The following ZNF804B variants were observed in gnomAD, a reference collection of about 807,000 sequenced individuals.
ZNF804B encodes the protein zinc finger 804B.
ZNF804B carries 80 observed loss-of-function variants against 101.4 expected under a neutral mutation model. That is an observed-to-expected ratio of 0.79 (90% CI 0.66 to 0.95). The LOEUF (loss-of-function observed/expected upper bound fraction) is 0.95, where lower values mean the gene tolerates loss of function less well. Ranked by LOEUF, ZNF804B falls within the 40% of genes least tolerant of loss-of-function variation. The probability of loss-of-function intolerance (pLI) is 0.00; values close to 1 mark genes in which losing one functional copy is unlikely to be tolerated. For missense variants in ZNF804B, 1,673 were observed against 1,561.9 expected (o/e 1.07, Z -1.20); for synonymous variants, 622 against 558.8 (o/e 1.11, Z -1.59).
chr7:89,186,720 A>T (rs943147602), intron 1 of ZNF804B, among the ~76,000 whole-genome samples: 13 of 152,112 alleles, frequency 8.5e-5, no homozygotes, highest in African/African-American at 3.1e-4. Flanking sequence ...TTTGAAATAA[A>T]TGACTTTCAC....
intron 1 of ZNF804B, among the ~76,000 whole-genome samples, chr7:88,770,500 T>C (rs1169138962): frequency 6.6e-6 from 1 of 152,212 alleles, no homozygotes; most frequent in Non-Finnish European, 1.5e-5. Context: ...TGTTGATTTG[T>C]GCCCAGTGGA....
intron 1 of ZNF804B, among the ~76,000 whole-genome samples, chr7:88,964,838 A>C (rs890717143): frequency 6.6e-6 from 1 of 151,404 alleles, no homozygotes; most frequent in Non-Finnish European, 1.5e-5. Context: ...ATTTGAAGAG[A>C]GCAGAGCTCC....
chr7:88,870,114 C>A (rs1056655969), intron 1 of ZNF804B, among the ~76,000 whole-genome samples: 31 of 151,978 alleles, frequency 2.0e-4, no homozygotes, highest in African/African-American at 7.3e-4. Context: ...GGGCCGGGCG[C>A]GGTGGCTCAC....
chr7:88,994,469 T>C (rs1429904766), intron 1 of ZNF804B, among the ~76,000 whole-genome samples: 1 of 152,014 alleles, frequency 6.6e-6, no homozygotes, highest in Non-Finnish European at 1.5e-5. Context: ...AGAAAACAAA[T>C]GCCAAAAACT....
At position 89,337,093 on chromosome 7, in the gene ZNF804B, C is replaced by A; in HGVS notation, c.*61C>A. 1 of 1,455,364 alleles carries A rather than the reference C, an allele frequency of 6.9e-7. No homozygotes were observed. The highest frequency in any genetic ancestry group is 9.2e-7 in the Non-Finnish European group (1 of 1,081,890). 90.2% of individuals were successfully genotyped at this position (1,455,364 alleles called of 1,614,324 possible). A position where few individuals can be genotyped will look rare whatever the true frequency, so the allele number is the denominator to read the frequency against. ...AATTGTCACTACCTATAAAATCATACATTTAAAGAAGTCTGTCAATTATAA... is the reference window on the plus strand; with the variant it reads ...AATTGTCACTACCTATAAAATCATAAATTTAAAGAAGTCTGTCAATTATAA... On this transcript the variant is annotated 3_prime_UTR_variant, in exon 4 of 4. Coordinates refer to ENST00000333190, the MANE Select transcript of ZNF804B (RefSeq NM_181646.5).
chr7:89,120,028 CAGA>C (rs1790375990), intron 1 of ZNF804B, among the ~76,000 whole-genome samples: 1 of 151,810 alleles, frequency 6.6e-6, no homozygotes, highest in East Asian at 1.9e-4. Context: ...ATGCTCTTCA[CAGA>C]AGAAGCACAG....
intron 1 of ZNF804B, among the ~76,000 whole-genome samples, chr7:88,980,787 C>T (rs1793683279): frequency 6.6e-6 from 1 of 152,018 alleles, no homozygotes; most frequent in Non-Finnish European, 1.5e-5. Flanking sequence ...CACTGGGTTT[C>T]ACCTAAAGCC....
intron 1 of ZNF804B, among the ~76,000 whole-genome samples, chr7:88,803,699 T>C (rs1259430538): frequency 6.6e-6 from 1 of 152,144 alleles, no homozygotes; most frequent in African/African-American, 2.4e-5. Flanking sequence ...ATAGTTTGTG[T>C]AGATTATCTT....
At chr7:89,083,820 C>T (rs1789734047) in intron 1 of ZNF804B, among the ~76,000 whole-genome samples, 1 of 151,740 alleles carries the variant, frequency 6.6e-6, no homozygotes, top group Admixed American at 6.6e-5. Flanking sequence ...CTTTGTGTTG[C>T]ATCCTAAAGG....
At chr7:88,913,833 G>T (rs1584013357) in intron 1 of ZNF804B, among the ~76,000 whole-genome samples, 1 of 152,212 alleles carries the variant, frequency 6.6e-6, no homozygotes, top group Non-Finnish European at 1.5e-5. Flanking sequence ...AATAGCAAAA[G>T]ATAACCTGTT....
intron 2 of ZNF804B, among the ~76,000 whole-genome samples, chr7:89,227,731 G>C (rs1044693468): frequency 6.6e-6 from 1 of 152,048 alleles, no homozygotes; most frequent in Admixed American, 6.6e-5. Flanking sequence ...TCCACACAGA[G>C]GGAATGCCAA....
In ZNF804B at chr7:88,986,174, G is replaced by A. The variant is rs139278249; in HGVS notation, c.108+226090G>A. ...ATGACTAATTATCTAAATTTCTTCT[G>A]CTTTTCTCTAGTTCTATCCCAATAA... On this transcript the variant is annotated intron_variant, in intron 1 of 3. Transcript: ENST00000333190. 1.9e-3 allele frequency among the ~76,000 whole-genome samples: 287 copies of A among 152,136 alleles called. 2 individuals carry two copies. Among genetic ancestry groups the A allele is most frequent in the African/African-American group, 6.4e-3 (267 of 41,538 alleles).
chr7:88,970,892 A>G (rs1793527687), intron 1 of ZNF804B, among the ~76,000 whole-genome samples: 1 of 151,312 alleles, frequency 6.6e-6, no homozygotes, highest in Non-Finnish European at 1.5e-5. Context: ...TGGGTGCAGC[A>G]CACCAACATG....
At chr7:89,220,047 A>ACATATATATGTGTG (rs1788971107) in intron 2 of ZNF804B, among the ~76,000 whole-genome samples, 4 of 38,768 alleles carry the variant, frequency 1.0e-4, no homozygotes, top group African/African-American at 4.7e-4. Context: ...ATATATGTGC[A>ACATATATATGTGTG]TATATACATA....
intron 1 of ZNF804B, among the ~76,000 whole-genome samples, chr7:89,162,221 T>G (rs1425748273): frequency 6.6e-6 from 1 of 152,134 alleles, no homozygotes; most frequent in Non-Finnish European, 1.5e-5. Flanking sequence ...CTAGCCCACT[T>G]TCTTTTACTT....
In ZNF804B at chr7:89,334,070, C is replaced by A. The variant is rs1256051194; in HGVS notation, c.1088C>A (p.Ala363Glu). ...LENCVNHPCQ[A>E]NASFSPPNIY... The stretch of plus-strand genomic sequence containing the variant: ...AATTGTGTTAATCACCCATGCCAAG[C>A]AAATGCTTCCTTCAGCCCACCAAAC... The change falls in exon 4 of 4, where the codon GCA (alanine) becomes GAA (glutamate). Residue 363 changes from alanine (A) to glutamate (E), a missense_variant. Ala to Glu is a moderately radical substitution (Grantham distance 107). Coordinates refer to ENST00000333190, the MANE Select transcript of ZNF804B (RefSeq NM_181646.5). 1 of 1,613,638 alleles carries A rather than the reference C, an allele frequency of 6.2e-7. No homozygotes were observed. The highest frequency in any genetic ancestry group is 8.5e-7 in the Non-Finnish European group (1 of 1,179,790).
chr7:88,923,258 T>C (rs1792750803), intron 1 of ZNF804B, among the ~76,000 whole-genome samples: 2 of 152,026 alleles, frequency 1.3e-5, no homozygotes, highest in South Asian at 4.1e-4. Context: ...GCTTTGGGGG[T>C]ATCTGCCATA....
chr7:89,286,837 TA>T (rs777481030), intron 2 of ZNF804B, among the ~76,000 whole-genome samples: 62 of 152,326 alleles, frequency 4.1e-4, no homozygotes, highest in Non-Finnish European at 8.2e-4. Flanking sequence ...AAATATTTTT[TA>T]GAGCAATTGA....
At chr7:89,315,091 G>A (rs1790704630) in intron 2 of ZNF804B, among the ~76,000 whole-genome samples, 2 of 152,130 alleles carry the variant, frequency 1.3e-5, no homozygotes, top group Non-Finnish European at 2.9e-5. Flanking sequence ...GGCAGCCTCA[G>A]GAAACTTACA....
Sources: gnomAD v4.1 joint callset for allele counts (sites outside exome capture counted in the v4.1 genomes callset) on GRCh38, gnomAD v4.1.1 for gene constraint, MANE v1.5 for transcripts, NCBI Gene and HGNC (gene_info 2026-07-23, HGNC 2026-07-21) for gene names.